The following SLC24A2 variants were observed in gnomAD, a reference collection of about 807,000 sequenced individuals.
SLC24A2 encodes the protein sodium/potassium/calcium exchanger 2.
In SLC24A2, 36 loss-of-function variants were observed where a neutral mutation model predicts 62.0. The observed-to-expected ratio is 0.58, with a 90% CI of 0.44 to 0.77. SLC24A2 has a LOEUF of 0.77. Ranked by LOEUF, SLC24A2 falls within the 30% of genes least tolerant of loss-of-function variation. The pLI is 0.00. For synonymous variants in SLC24A2, 358 were observed against 294.0 expected (o/e 1.22, Z -2.23); for missense variants, 846 against 817.9 (o/e 1.03, Z -0.42).
At chr9:19,790,485 A>G (rs1024121853), upstream of SLC24A2, among the ~76,000 whole-genome samples, 1 of 148,890 alleles carries the variant, frequency 6.7e-6, no homozygotes, top group African/African-American at 2.5e-5. Context: ...GAAGGGGACA[A>G]TTCAAATAGG....
the SLC24A2 span, among the ~76,000 whole-genome samples, chr9:20,066,540 C>A: frequency 6.6e-6 from 1 of 152,204 alleles, no homozygotes; most frequent in Non-Finnish European, 1.5e-5. Context: ...TATCCATATT[C>A]CACTTTTTAA....
the SLC24A2 span, among the ~76,000 whole-genome samples, chr9:20,226,805 T>C: frequency 6.6e-6 from 1 of 152,218 alleles, no homozygotes; most frequent in South Asian, 2.1e-4. Context: ...GTAATCTCTA[T>C]CAATCATGAG....
At chr9:20,206,880 T>TTG in the SLC24A2 span, among the ~76,000 whole-genome samples, 1 of 29,482 alleles carries the variant, frequency 3.4e-5, no homozygotes, top group South Asian at 1.4e-3. Context: ...AAAAACTAAG[T>TTG]TGGGGGGGGC....
At chr9:19,762,095 C>T (rs894920866) in intron 2 of SLC24A2, among the ~76,000 whole-genome samples, 1 of 152,156 alleles carries the variant, frequency 6.6e-6, no homozygotes, top group African/African-American at 2.4e-5. Context: ...TACAGTCCCA[C>T]CAAGAGTGCA....
chr9:19,788,775 A>T, intron 1 of SLC24A2, 110 bp downstream of exon 1: 2 of 985,394 alleles, frequency 2.0e-6, no homozygotes, highest in Non-Finnish European at 2.4e-6. Context: ...CATCCACGGC[A>T]GAGCCACCTG....
chr9:20,078,970 T>C, the SLC24A2 span, among the ~76,000 whole-genome samples: 1 of 152,210 alleles, frequency 6.6e-6, no homozygotes, highest in Non-Finnish European at 1.5e-5. Flanking sequence ...TGGTGACCTC[T>C]AAAAGAAATG....
At chr9:19,952,194 C>T in the SLC24A2 span, among the ~76,000 whole-genome samples, 1 of 151,940 alleles carries the variant, frequency 6.6e-6, no homozygotes, top group African/African-American at 2.4e-5. Flanking sequence ...TTACCAAATT[C>T]ATTTGTCTTC....
At chr9:19,793,689 A>G (rs1315041782), upstream of SLC24A2, among the ~76,000 whole-genome samples, 1 of 152,206 alleles carries the variant, frequency 6.6e-6, no homozygotes, top group Non-Finnish European at 1.5e-5. Context: ...CCCAATAACA[A>G]ACAGCTCCAT....
chr9:20,245,250 T>C, the SLC24A2 span, among the ~76,000 whole-genome samples: 4 of 152,112 alleles, frequency 2.6e-5, no homozygotes, highest in Non-Finnish European at 5.9e-5. Flanking sequence ...AAGTGACAGG[T>C]GCTATAACTG....
At chr9:20,098,491 G>A in the SLC24A2 span, among the ~76,000 whole-genome samples, 2 of 151,972 alleles carry the variant, frequency 1.3e-5, no homozygotes, top group Non-Finnish European at 2.9e-5. Context: ...TACCCTCTAG[G>A]CCCAAACCAA....
At position 19,659,144 on chromosome 9, in the gene SLC24A2, T is replaced by C. The variant is rs906181884; in HGVS notation, c.931-36845A>G. Among the ~76,000 whole-genome samples, 4 of 152,072 alleles carry C rather than the reference T, an allele frequency of 2.6e-5. No homozygotes were observed. In the South Asian group the frequency reaches 8.3e-4, roughly 32 times the overall value. ...TATGAGTCGAGTCCTTAGAAGAAGATGGTGGTGGAAGACAGAGAGACACAC... is the reference window on the plus strand; with the variant it reads ...TATGAGTCGAGTCCTTAGAAGAAGACGGTGGTGGAAGACAGAGAGACACAC... On this transcript the variant is annotated intron_variant, in intron 2 of 10. Coordinates refer to ENST00000341998, the MANE Select transcript of SLC24A2 (RefSeq NM_020344.4).
chr9:19,987,183 G>C, the SLC24A2 span, among the ~76,000 whole-genome samples: 26 of 152,182 alleles, frequency 1.7e-4, no homozygotes, highest in South Asian at 3.5e-3. Context: ...GGGACAACGA[G>C]TTTAGTTGGG....
At chr9:19,774,242 G>A (rs144436275) in intron 2 of SLC24A2, among the ~76,000 whole-genome samples, 69 of 152,230 alleles carry the variant, frequency 4.5e-4, no homozygotes, top group African/African-American at 1.6e-3. Flanking sequence ...CACTTTTCCT[G>A]TTTAATCTCA....
chr9:19,518,404 T>C (rs1013561397), intron 10 of SLC24A2, among the ~76,000 whole-genome samples: 6 of 151,890 alleles, frequency 4.0e-5, no homozygotes, highest in African/African-American at 1.4e-4. Context: ...ATTTTTCTTT[T>C]CTTTCTTTTT....
At chr9:19,546,888 G>A (rs1370182217) in intron 8 of SLC24A2, among the ~76,000 whole-genome samples, 2 of 152,194 alleles carry the variant, frequency 1.3e-5, no homozygotes, top group African/African-American at 4.8e-5. Flanking sequence ...GGGCCAGAGT[G>A]CACTGTTCCT....
rs183391749 is a variant in SLC24A2 at position 19,521,175 on chromosome 9, G to C, written c.1570-115C>G. 1.9e-3 allele frequency: 1,737 copies of C among 924,294 alleles called. 21 individuals carry two copies. The highest frequency in any genetic ancestry group is 2.9e-4 in the Non-Finnish European group (168 of 577,690). The allele number at this position is 924,294 out of a possible 1,614,324, so 57.3% of individuals were successfully genotyped here. A position where few individuals can be genotyped will look rare whatever the true frequency, so the allele number is the denominator to read the frequency against. Reference sequence around the variant, plus strand: ...GCATTTCTATACTGTGCTATGCAAAGTGCTGAGATGATAAAGATGAATAAG... The same window carrying C: ...GCATTTCTATACTGTGCTATGCAAACTGCTGAGATGATAAAGATGAATAAG... On this transcript the variant is annotated intron_variant, in intron 9 of 10. Transcript: ENST00000341998.
chr9:19,760,373 AT>A (rs913472044), intron 2 of SLC24A2, among the ~76,000 whole-genome samples: 5 of 152,060 alleles, frequency 3.3e-5, no homozygotes, highest in African/African-American at 9.6e-5. Context: ...TCTTACTTTT[AT>A]TTTTTTATTA....
chr9:19,829,800 TATATATATATACACACACAC>T, the SLC24A2 span, among the ~76,000 whole-genome samples: 26 of 62,004 alleles, frequency 4.2e-4, no homozygotes, highest in African/African-American at 5.9e-4. Context: ...TGTGTGTGTA[TATATATATATACACACACAC>T]ACACACACAC....
the SLC24A2 span, among the ~76,000 whole-genome samples, chr9:20,078,282 G>A: frequency 6.6e-6 from 1 of 152,008 alleles, no homozygotes; most frequent in Non-Finnish European, 1.5e-5. Flanking sequence ...TTAAAGGACT[G>A]CCCAATTCTT....
Sources: gnomAD v4.1 joint callset for allele counts (sites outside exome capture counted in the v4.1 genomes callset) on GRCh38, gnomAD v4.1.1 for gene constraint, MANE v1.5 for transcripts, NCBI Gene and HGNC (gene_info 2026-07-23, HGNC 2026-07-21) for gene names.